AGBL4: variants seen among roughly 807,000 people sequenced by gnomAD.
The protein encoded by AGBL4 is cytosolic carboxypeptidase 6.
A neutral mutation model predicts 66.4 loss-of-function variants in AGBL4; 58 were observed. That is an observed-to-expected ratio of 0.87 (90% CI 0.71 to 1.09). The LOEUF (loss-of-function observed/expected upper bound fraction) is 1.09, where lower values mean the gene tolerates loss of function less well. Ranked by LOEUF, AGBL4 falls within the 50% of genes least tolerant of loss-of-function variation. The pLI is 0.00. For synonymous variants in AGBL4, 234 were observed against 222.9 expected, an observed-to-expected ratio of 1.05 and a Z score of -0.44; for missense variants, 579 against 631.0, an observed-to-expected ratio of 0.92 and a Z score of 0.88.
chr1:49,283,912 C>T (rs534393657), intron 3 of AGBL4, among the ~76,000 whole-genome samples: 6 of 148,824 alleles, frequency 4.0e-5, no homozygotes, highest in Non-Finnish European at 5.9e-5. Context: ...CTGAAAGTGA[C>T]GGGGAGAATG....
chr1:49,189,758 T>A (rs354169), intron 4 of AGBL4, among the ~76,000 whole-genome samples: 51,870 of 152,000 alleles, frequency 0.34, 9,347 homozygotes, highest in East Asian at 0.72. Flanking sequence ...CTGAGAACTT[T>A]GCATTAATTA....
chr1:49,446,716 G>C (rs1182157076), intron 3 of AGBL4, among the ~76,000 whole-genome samples: 1 of 152,126 alleles, frequency 6.6e-6, no homozygotes, highest in East Asian at 1.9e-4. Context: ...GATGACAGTA[G>C]CAGTGGTGGG....
At chr1:49,731,025 T>C (rs918263887) in intron 2 of AGBL4, among the ~76,000 whole-genome samples, 2 of 152,168 alleles carry the variant, frequency 1.3e-5, no homozygotes, top group Non-Finnish European at 2.9e-5. Context: ...ATGGGCTCCC[T>C]TATTCTCCAG....
At position 49,209,240 on chromosome 1, in the gene AGBL4, T is replaced by C. The variant is rs139088215; in HGVS notation, c.377+36530A>G. Among the ~76,000 whole-genome samples, 21 of 152,206 alleles carry C rather than the reference T, an allele frequency of 1.4e-4. No homozygotes were observed. The East Asian group carries it at 3.3e-3, about 24-fold the overall frequency. On this transcript the variant is annotated intron_variant, in intron 4 of 13. Coordinates refer to ENST00000371839, the MANE Select transcript of AGBL4 (RefSeq NM_032785.4). The stretch of plus-strand genomic sequence containing the variant: ...ATAAATGAGTTTGAAATGAAACAGA[T>C]AAAGAAGTAAAGAAACTATATAGAT...
intron 2 of AGBL4, among the ~76,000 whole-genome samples, chr1:49,802,338 T>C (rs1426498583): frequency 1.3e-5 from 2 of 152,172 alleles, no homozygotes; most frequent in African/African-American, 4.8e-5. Flanking sequence ...TAGGCCTCTT[T>C]AGGGTTAAGG....
chr1:48,571,777 G>C (rs1401799213), intron 11 of AGBL4, among the ~76,000 whole-genome samples: 1 of 152,192 alleles, frequency 6.6e-6, no homozygotes, highest in Non-Finnish European at 1.5e-5. Flanking sequence ...TGGGCCTCGG[G>C]AGATTACTTT....
chr1:49,059,836 G>A (rs1644371715), intron 4 of AGBL4, among the ~76,000 whole-genome samples: 1 of 152,056 alleles, frequency 6.6e-6, no homozygotes, highest in South Asian at 2.1e-4. Context: ...ACTTGCATGG[G>A]GCCTGTTGGT....
At chr1:49,425,825 T>G (rs1214236161) in intron 3 of AGBL4, among the ~76,000 whole-genome samples, 1 of 152,170 alleles carries the variant, frequency 6.6e-6, no homozygotes, top group Non-Finnish European at 1.5e-5. Context: ...CAATGTAAAG[T>G]GCATGGTACA....
At chr1:49,048,092 T>G (rs1644124170) in intron 4 of AGBL4, among the ~76,000 whole-genome samples, 1 of 152,148 alleles carries the variant, frequency 6.6e-6, no homozygotes, top group Non-Finnish European at 1.5e-5. Context: ...CCTTGATGTT[T>G]CCAGCCAAAG....
chr1:49,571,329 A>AT (rs535507958), intron 3 of AGBL4, among the ~76,000 whole-genome samples: 14 of 151,410 alleles, frequency 9.2e-5, no homozygotes, highest in East Asian at 3.9e-4. Context: ...ATTCCTAGGT[A>AT]TTTTTTTTCA....
chr1:49,277,869 T>C (rs1351578413), intron 3 of AGBL4, among the ~76,000 whole-genome samples: 1 of 152,120 alleles, frequency 6.6e-6, no homozygotes, highest in South Asian at 2.1e-4. Context: ...ATCCACTGAA[T>C]GGTGTTCAAT....
chr1:49,889,538 C>T (rs1055217236), intron 1 of AGBL4, among the ~76,000 whole-genome samples: 3 of 151,872 alleles, frequency 2.0e-5, no homozygotes, highest in South Asian at 4.2e-4. Context: ...AGTTGGGTCA[C>T]AAGGTCAGGA....
chr1:48,602,543 G>A (rs1031356393), intron 9 of AGBL4, among the ~76,000 whole-genome samples: 1 of 152,134 alleles, frequency 6.6e-6, no homozygotes, highest in East Asian at 1.9e-4. Context: ...AGCCTGCTGC[G>A]AGACAGCAGT....
At chr1:49,297,368 A>G (rs986661132) in intron 3 of AGBL4, among the ~76,000 whole-genome samples, 2 of 152,188 alleles carry the variant, frequency 1.3e-5, no homozygotes, top group Non-Finnish European at 2.9e-5. Flanking sequence ...CAGATAGAAA[A>G]GTCTGTGTAA....
rs1479632477 is a variant in AGBL4 at position 49,833,026 on chromosome 1, T to G, written c.157+18370A>C. Among the ~76,000 whole-genome samples, 9 of 152,088 alleles carry G rather than the reference T, an allele frequency of 5.9e-5. No homozygotes were observed. The South Asian group carries it at 1.0e-3, about 18-fold the overall frequency. Reference sequence around the variant, plus strand: ...GATCCCATTTGTCAATTTTGGCTTTTGTTGCCATTGCTTTTGGTGTTTTAG... The same window carrying G: ...GATCCCATTTGTCAATTTTGGCTTTGGTTGCCATTGCTTTTGGTGTTTTAG... On this transcript the variant is annotated intron_variant, in intron 2 of 13. Transcript: ENST00000371839.
chr1:49,705,803 A>G (rs977682561), intron 2 of AGBL4, among the ~76,000 whole-genome samples: 1 of 152,070 alleles, frequency 6.6e-6, no homozygotes, highest in East Asian at 1.9e-4. Context: ...TGATATAATC[A>G]TGTGGTTTTT....
intron 1 of AGBL4, among the ~76,000 whole-genome samples, chr1:49,987,165 A>G (rs1659566126): frequency 6.6e-6 from 1 of 152,242 alleles, no homozygotes; most frequent in East Asian, 1.9e-4. Context: ...TTTGCAAGGC[A>G]TTGTTTATAC....
At chr1:49,698,519 G>A (rs1390940081) in intron 2 of AGBL4, among the ~76,000 whole-genome samples, 1 of 152,016 alleles carries the variant, frequency 6.6e-6, no homozygotes, top group African/African-American at 2.4e-5. Context: ...CCAAGGTACA[G>A]AGAACTTACC....
chr1:48,735,484 A>G (rs1469901588), intron 6 of AGBL4, among the ~76,000 whole-genome samples: 1 of 151,616 alleles, frequency 6.6e-6, no homozygotes, highest in Non-Finnish European at 1.5e-5. Context: ...GAAGGAAGGA[A>G]AAAGGAGGAA....
Sources: gnomAD v4.1 joint callset for allele counts (sites outside exome capture counted in the v4.1 genomes callset) on GRCh38, gnomAD v4.1.1 for gene constraint, MANE v1.5 for transcripts, NCBI Gene and HGNC (gene_info 2026-07-23, HGNC 2026-07-21) for gene names.